The following C1orf21 variants were observed in gnomAD, a reference collection of about 807,000 sequenced individuals.
The protein encoded by C1orf21 is chromosome 1 open reading frame 21.
Under a neutral mutation model 18.7 loss-of-function variants are expected in C1orf21, and 3 were observed. The observed-to-expected ratio is 0.16, with a 90% CI of 0.07 to 0.42. C1orf21 has a LOEUF of 0.42. C1orf21 is among the 10% of genes least tolerant of loss of function. C1orf21 has a pLI of 0.99. For missense variants in C1orf21, 104 were observed against 143.6 expected, an observed-to-expected ratio of 0.72 and a Z score of 1.41; for synonymous variants, 41 against 46.4, an observed-to-expected ratio of 0.88 and a Z score of 0.47.
At chr1:184,464,559 G>T (rs912737496) in intron 1 of C1orf21, among the ~76,000 whole-genome samples, 1 of 152,226 alleles carries the variant, frequency 6.6e-6, no homozygotes, top group African/African-American at 2.4e-5. Flanking sequence ...CATAGCAAGA[G>T]AGACAAATAC....
At chr1:184,512,401 G>T (rs920589797) in intron 3 of C1orf21, among the ~76,000 whole-genome samples, 1 of 152,160 alleles carries the variant, frequency 6.6e-6, no homozygotes, top group African/African-American at 2.4e-5. Flanking sequence ...AATTGCCACA[G>T]ACCTCCAGTC....
chr1:184,415,928 A>T (rs1437081281), intron 1 of C1orf21, among the ~76,000 whole-genome samples: 1 of 152,228 alleles, frequency 6.6e-6, no homozygotes, highest in Non-Finnish European at 1.5e-5. Flanking sequence ...GAATTAGAAC[A>T]TAGAGTAGGA....
At chr1:184,566,843 C>A (rs540959069) in intron 3 of C1orf21, 4 of 485,982 alleles carry the variant, frequency 8.2e-6, no homozygotes, top group South Asian at 6.5e-5. Flanking sequence ...GTCTCACATC[C>A]AAATGCTCGA....
intron 3 of C1orf21, among the ~76,000 whole-genome samples, chr1:184,527,068 T>C (rs765257476): frequency 9.2e-5 from 14 of 152,194 alleles, no homozygotes; most frequent in Non-Finnish European, 1.9e-4. Flanking sequence ...GGGCCCCCTT[T>C]ATGCTCTCAT....
At chr1:184,573,347 T>G (rs1380993908) in intron 3 of C1orf21, among the ~76,000 whole-genome samples, 1 of 152,210 alleles carries the variant, frequency 6.6e-6, no homozygotes, top group East Asian at 1.9e-4. Context: ...ATTTACAAAA[T>G]ACAGTAATTC....
At chr1:184,478,410 G>GC (rs572985448) in intron 2 of C1orf21, among the ~76,000 whole-genome samples, 59 of 151,752 alleles carry the variant, frequency 3.9e-4, no homozygotes, top group African/African-American at 1.4e-3. Context: ...CATTTTTTTT[G>GC]CCCCCTCCCC....
At position 184,387,926 on chromosome 1, in the gene C1orf21, C is replaced by T. The variant is rs1010148985; in HGVS notation, c.-125+558C>T. ...AAGTTTTGACCTTTTTGGGGTGGCT[C>T]GTTTCGTTGCATCTGTTTGCCCACC... On this transcript the variant is annotated intron_variant, in intron 1 of 5. Coordinates refer to ENST00000235307, the MANE Select transcript of C1orf21 (RefSeq NM_030806.4). The surrounding 1 kb of genome is among the most constrained non-coding windows in gnomAD (Gnocchi z 5.6). Among the ~76,000 whole-genome samples, 15 of 152,146 alleles carry T rather than the reference C, an allele frequency of 9.9e-5. No individual in the cohort carries two copies. Among genetic ancestry groups the T allele is most frequent in the African/African-American group, 3.4e-4 (14 of 41,434 alleles).
intron 1 of C1orf21, among the ~76,000 whole-genome samples, chr1:184,438,965 C>A (rs1007801767): frequency 6.6e-6 from 1 of 152,014 alleles, no homozygotes; most frequent in Non-Finnish European, 1.5e-5. Context: ...AATCCCAGCA[C>A]TTTAGGAGGC....
At chr1:184,395,944 AT>A (rs766816857) in intron 1 of C1orf21, among the ~76,000 whole-genome samples, 4 of 151,964 alleles carry the variant, frequency 2.6e-5, no homozygotes, top group African/African-American at 9.7e-5. Flanking sequence ...CTAACTTTGA[AT>A]TTTTTTTATT....
chr1:184,606,382 C>G (rs1659646752), intron 5 of C1orf21, among the ~76,000 whole-genome samples: 1 of 151,982 alleles, frequency 6.6e-6, no homozygotes, highest in Non-Finnish European at 1.5e-5. Flanking sequence ...TTGAGACCAG[C>G]CTGGGCAACA....
In C1orf21 at chr1:184,614,172, G is replaced by T. The variant is rs558422585; in HGVS notation, c.328-5346G>T. 2.0e-5 allele frequency among the ~76,000 whole-genome samples: 3 copies of T among 152,302 alleles called. No individual in the cohort carries two copies. The South Asian group carries it at 6.2e-4, about 32-fold the overall frequency. The stretch of plus-strand genomic sequence containing the variant: ...GACAGTTTTATTTTCTGTTGGACCA[G>T]TTGGTCTCATTTTTCAGTATCATTG... On this transcript the variant is annotated intron_variant, in intron 5 of 5. Coordinates refer to ENST00000235307, the MANE Select transcript of C1orf21 (RefSeq NM_030806.4).
chr1:184,557,575 T>C (rs1176995257), intron 3 of C1orf21, among the ~76,000 whole-genome samples: 1 of 152,248 alleles, frequency 6.6e-6, no homozygotes, highest in Non-Finnish European at 1.5e-5. Context: ...GTGAATGCCA[T>C]TATTTCATTC....
At chr1:184,532,309 G>A (rs1032368326) in intron 3 of C1orf21, among the ~76,000 whole-genome samples, 1 of 152,192 alleles carries the variant, frequency 6.6e-6, no homozygotes, top group Non-Finnish European at 1.5e-5. Flanking sequence ...TTGTTGTAAA[G>A]ATGAGATATG....
intron 3 of C1orf21, among the ~76,000 whole-genome samples, chr1:184,581,370 C>T (rs1434156013): frequency 6.6e-6 from 1 of 151,070 alleles, no homozygotes; most frequent in Non-Finnish European, 1.5e-5. Flanking sequence ...GCGAAGGTTG[C>T]AGTGAGCCGA....
intron 1 of C1orf21, among the ~76,000 whole-genome samples, chr1:184,445,057 G>A (rs563016409): frequency 3.9e-5 from 6 of 152,292 alleles, no homozygotes; most frequent in African/African-American, 1.4e-4. Flanking sequence ...TTCATAGAGT[G>A]TAGACAGACC....
At chr1:184,449,094 C>T (rs1657076721) in intron 1 of C1orf21, among the ~76,000 whole-genome samples, 2 of 152,070 alleles carry the variant, frequency 1.3e-5, no homozygotes, top group Non-Finnish European at 2.9e-5. Context: ...TACATGTGCA[C>T]AATGTGCAGG....
At chr1:184,390,390 A>G (rs890190236) in intron 1 of C1orf21, among the ~76,000 whole-genome samples, 3 of 152,208 alleles carry the variant, frequency 2.0e-5, no homozygotes, top group Non-Finnish European at 2.9e-5. Context: ...CTGATTATCA[A>G]TCAGGAGTGA....
At chr1:184,402,995 G>A (rs1174943867) in intron 1 of C1orf21, among the ~76,000 whole-genome samples, 3 of 152,208 alleles carry the variant, frequency 2.0e-5, no homozygotes, top group Non-Finnish European at 4.4e-5. Flanking sequence ...CAGGGTAGCA[G>A]AATAAAGGAG....
chr1:184,528,434 C>CTTCTT (rs372421956), intron 3 of C1orf21, among the ~76,000 whole-genome samples: 4 of 151,728 alleles, frequency 2.6e-5, no homozygotes, highest in African/African-American at 7.3e-5. Flanking sequence ...TATCATTTTC[C>CTTCTT]TTCTTTTCTT....
Sources: gnomAD v4.1 joint callset for allele counts (sites outside exome capture counted in the v4.1 genomes callset) on GRCh38, gnomAD v4.1.1 for gene constraint, Gnocchi (gnomAD v3.1) non-coding constraint, MANE v1.5 for transcripts, NCBI Gene and HGNC (gene_info 2026-07-23, HGNC 2026-07-21) for gene names.